The following PIAS3 variants were observed in gnomAD, a reference collection of about 807,000 sequenced individuals.
PIAS3 encodes protein inhibitor of activated STAT 3, also known as E3 SUMO-protein ligase PIAS3.
A neutral mutation model predicts 67.6 loss-of-function variants in PIAS3; 34 were observed. The ratio of observed to expected loss-of-function variants is 0.50; its 90% CI spans 0.38 to 0.67. The LOEUF is 0.67. Among genes scored for constraint, PIAS3 ranks in the 30% least tolerant of loss-of-function variants. PIAS3 has a pLI of 0.00. For missense variants in PIAS3, 693 were observed against 791.6 expected (o/e 0.88, Z 1.49); for synonymous variants, 341 against 313.8 (o/e 1.09, Z -0.92).
At chr1:145,853,429 G>C (rs1570775103) in intron 9 of PIAS3, 75 bp downstream of exon 9, 1 of 1,124,816 alleles carries the variant, frequency 8.9e-7, no homozygotes, top group Non-Finnish European at 1.2e-6. Context: ...AAAAAGAAAA[G>C]AAAAAGAAAA....
chr1:145,853,334 C>T (rs1284282382), intron 9 of PIAS3, among the ~76,000 whole-genome samples, 170 bp downstream of exon 9: 4 of 150,076 alleles, frequency 2.7e-5, no homozygotes, highest in African/African-American at 9.8e-5. Flanking sequence ...CGCCTGAACC[C>T]GGGAGGTGGA....
chr1:145,857,176 C>A, intron 1 of PIAS3, 170 bp from the exon 2 acceptor site: 1 of 628,448 alleles, frequency 1.6e-6, no homozygotes, highest in South Asian at 1.9e-5. Context: ...TCCAAAGGGA[C>A]ATCTCAGTCC....
intron 5 of PIAS3, among the ~76,000 whole-genome samples, chr1:145,855,324 A>G (rs1194904156): frequency 6.6e-6 from 1 of 152,124 alleles, no homozygotes; most frequent in Non-Finnish European, 1.5e-5. Context: ...TCTACTAAAA[A>G]TACAAAAATT....
At position 145,850,592 on chromosome 1, in the gene PIAS3, G is replaced by A; in HGVS notation, c.1449-6C>T. On this transcript the variant is annotated splice_region_variant and splice_polypyrimidine_tract_variant and intron_variant, in intron 11 of 13. Coordinates refer to ENST00000393045, the MANE Select transcript of PIAS3 (RefSeq NM_006099.3). ...GGTGGCCAGATGTCAGGACTCTGTG[G>A]GTAGAGAGGAGCTGAGGCAGCCAGC... 3.7e-6 allele frequency: 6 copies of A among 1,612,912 alleles called. No individual in the cohort carries two copies. Among genetic ancestry groups the A allele is most frequent in the Non-Finnish European group, 5.1e-6 (6 of 1,179,008 alleles).
rs1653039845 is a variant in PIAS3, at chr1:145,853,435, G to GAA, written c.1145+67_1145+68dup. On this transcript the variant is annotated intron_variant, in intron 9 of 13. Transcript: ENST00000393045. ...AAAAAAAAAAAAAAGAAAAGAAAAA[G>GAA]AAAAAGAAATAACCAAGAAAAGAGG... The GAA allele has an allele frequency of 1.1e-5, 13 of 1,167,220 alleles. No individual in the cohort carries two copies. The Middle Eastern group carries it at 2.4e-3, about 218-fold the overall frequency. 72.3% of individuals were successfully genotyped at this position (1,167,220 alleles called of 1,614,324 possible). A position where few individuals can be genotyped will look rare whatever the true frequency, so the allele number is the denominator to read the frequency against.
At position 145,858,977 on chromosome 1, in the gene PIAS3, C is replaced by A; in HGVS notation, c.14G>T (p.Gly5Val). 6.5e-7 allele frequency: 1 copy of A among 1,543,410 alleles called. No individual in the cohort carries two copies. The highest frequency in any genetic ancestry group is 1.2e-5 in the South Asian group (1 of 83,130). ...GGAGGGGGCCGGTACCTTTAATTCG[C>A]CCAGCTCCGCCATCTTGAGACATCG... MAELGELKHMVMSFR... is the reference protein window; with the variant it reads MAELVELKHMVMSFR... The change falls in exon 1 of 14, where the codon GGC becomes GTC. Residue 5 changes from glycine (G) to valine (V), a missense_variant. Coordinates refer to ENST00000393045, the MANE Select transcript of PIAS3 (RefSeq NM_006099.3).
chr1:145,849,403 G>C lies in PIAS3; in HGVS notation c.*43C>G, dbSNP rs200227621. ...GGGGTTGGGACTCCACAGCATACTTGCTCAGTGTTGGGGGACAGCGAAGTT... is the reference window on the plus strand; with the variant it reads ...GGGGTTGGGACTCCACAGCATACTTCCTCAGTGTTGGGGGACAGCGAAGTT... On this transcript the variant is annotated 3_prime_UTR_variant, in exon 14 of 14. Transcript: ENST00000393045. 3.6e-5 allele frequency: 52 copies of C among 1,453,008 alleles called. No individual in the cohort carries two copies. In the African/African-American group the frequency reaches 6.5e-4, roughly 18 times the overall value. The allele number at this position is 1,453,008 out of a possible 1,614,324, so 90.0% of individuals were successfully genotyped here. A position where few individuals can be genotyped will look rare whatever the true frequency, so the allele number is the denominator to read the frequency against.
Position 145,854,869 on chromosome 1 carries a change from G to C in PIAS3, c.681C>G (p.Pro227=). The C allele has an allele frequency of 6.2e-7, 1 of 1,614,210 alleles. No homozygotes were observed. Among genetic ancestry groups the C allele is most frequent in the Non-Finnish European group, 8.5e-7 (1 of 1,180,034 alleles). Reference sequence around the variant, plus strand: ...TGGGCTCGGCCCCATTCTTGGTTGGGGGAAGGTAACCCTGGAGAAGGGAGG... The same window carrying C: ...TGGGCTCGGCCCCATTCTTGGTTGGCGGAAGGTAACCCTGGAGAAGGGAGG... ...GKLCPLPGYL[P]PTKNGAEPKR... The change falls in exon 6 of 14, where the codon CCC becomes CCG. Residue 227 remains proline, a synonymous_variant. Coordinates refer to ENST00000393045, the MANE Select transcript of PIAS3 (RefSeq NM_006099.3).
chr1:145,853,408 TC>T, intron 9 of PIAS3, 95 bp downstream of exon 9: 1 of 900,402 alleles, frequency 1.1e-6, no homozygotes, highest in Non-Finnish European at 1.6e-6. Flanking sequence ...AGATTCCATC[TC>T]AAAAAAAAAA....
intron 1 of PIAS3, among the ~76,000 whole-genome samples, chr1:145,857,992 C>G (rs1424481198): frequency 6.6e-6 from 1 of 152,152 alleles, no homozygotes; most frequent in Admixed American, 6.5e-5. Flanking sequence ...TTCCCAGGAC[C>G]ATAGCTCCCA....
intron 11 of PIAS3, 25 bp from the exon 12 acceptor site, chr1:145,850,611 A>T (rs1652918005): frequency 6.2e-7 from 1 of 1,610,614 alleles, no homozygotes; most frequent in African/African-American, 1.3e-5. Flanking sequence ...GAGCTGAGGC[A>T]GCCAGCAAAC....
intron 1 of PIAS3, chr1:145,857,223 A>C (rs1653227446): frequency 1.8e-6 from 1 of 570,556 alleles, no homozygotes; most frequent in Non-Finnish European, 3.1e-6. Flanking sequence ...CATCACCACC[A>C]CCCCCGAGCT....
At chr1:145,850,316 T>C (rs782721728) in intron 12 of PIAS3, 47 bp from the exon 13 acceptor site, 1 of 1,613,900 alleles carries the variant, frequency 6.2e-7, no homozygotes. Context: ...CTGACCCCTT[T>C]ACCACCAAAA....
At chr1:145,858,319 C>T (rs1653274869) in intron 1 of PIAS3, among the ~76,000 whole-genome samples, 1 of 152,082 alleles carries the variant, frequency 6.6e-6, no homozygotes, top group Admixed American at 6.5e-5. Context: ...CCTATAACTT[C>T]CCACCTTTCT....
chr1:145,856,815 G>A lies in PIAS3; in HGVS notation c.216C>T (p.Pro72=). The change falls in exon 2 of 14, where the codon CCC becomes CCT. Residue 72 remains proline, a synonymous_variant. Coordinates refer to ENST00000393045, the MANE Select transcript of PIAS3 (RefSeq NM_006099.3). ...RRRFPRKTLG[P]SDLSLLSLPP... Reference sequence around the variant, plus strand: ...GCAAAGAGAGAAGGGAGAGATCAGAGGGCCCCAGGGTCTTCCGGGGAAAGC... The same window carrying A: ...GCAAAGAGAGAAGGGAGAGATCAGAAGGCCCCAGGGTCTTCCGGGGAAAGC... 2 of 1,614,098 alleles carry A rather than the reference G, an allele frequency of 1.2e-6. No individual in the cohort carries two copies. Among genetic ancestry groups the A allele is most frequent in the South Asian group, 1.1e-5 (1 of 91,084 alleles).
At chr1:145,858,852 T>C in intron 1 of PIAS3, 115 bp downstream of exon 1, 1 of 935,830 alleles carries the variant, frequency 1.1e-6, no homozygotes, top group Admixed American at 3.9e-5. Context: ...CAGCAGCTCG[T>C]GCCTGCCACG....
Position 145,858,996 on chromosome 1 carries a change from G to T in PIAS3, c.-6C>A. On this transcript the variant is annotated 5_prime_UTR_variant, in exon 1 of 14. Transcript: ENST00000393045. ...AATTCGCCCAGCTCCGCCATCTTGA[G>T]ACATCGCAGGCGCCCCAGCCGGAGC... The T allele has an allele frequency of 6.5e-7, 1 of 1,544,586 alleles. No homozygotes were observed. The highest frequency in any genetic ancestry group is 8.7e-7 in the Non-Finnish European group (1 of 1,146,366).
At position 145,854,543 on chromosome 1, in the gene PIAS3, G is replaced by A. The variant is rs1553735109; in HGVS notation, c.825C>T (p.Tyr275=). The change falls in exon 7 of 14, where the codon TAC becomes TAT. Residue 275 remains tyrosine (Y), a synonymous_variant. Transcript: ENST00000393045. The stretch of plus-strand genomic sequence containing the variant: ...TTCCTGCAGTCAACTGCCTCACCAG[G>A]TACACAGACAAGGAGTAATTCTACT... The part of the protein sequence containing the change: ...EFGRNYSLSV[Y]LVRQLTAGTL... 6.2e-7 allele frequency: 1 copy of A among 1,613,784 alleles called. No homozygotes were observed. The highest frequency in any genetic ancestry group is 8.5e-7 in the Non-Finnish European group (1 of 1,179,722).
At chr1:145,850,304 A>C in intron 12 of PIAS3, 35 bp from the exon 13 acceptor site, 1 of 1,614,124 alleles carries the variant, frequency 6.2e-7, no homozygotes, top group Non-Finnish European at 8.5e-7. Context: ...TTAACCTCCT[A>C]TCTGACCCCT....
Sources: allele counts gnomAD v4.1 joint callset (sites outside exome capture counted in the v4.1 genomes callset), GRCh38; gene constraint gnomAD v4.1.1; transcripts MANE v1.5; gene names NCBI Gene and HGNC (gene_info 2026-07-23, HGNC 2026-07-21).